Variants in TXNDC8 observed in about 807,000 individuals in gnomAD.
The protein encoded by TXNDC8 is thioredoxin domain-containing protein 8.
A neutral mutation model predicts 12.9 loss-of-function variants in TXNDC8; 15 were observed. The ratio of observed to expected loss-of-function variants is 1.16; its 90% CI spans 0.78 to 1.79. The LOEUF is 1.79. Ranked by LOEUF, TXNDC8 falls within the 40% of genes most tolerant of loss-of-function variation. The probability of loss-of-function intolerance (pLI) is 0.00; values close to 1 mark genes in which losing one functional copy is unlikely to be tolerated. For missense variants in TXNDC8, 128 were observed against 113.2 expected, an observed-to-expected ratio of 1.13 and a Z score of -0.59; for synonymous variants, 40 against 35.4, an observed-to-expected ratio of 1.13 and a Z score of -0.46.
chr9:110,329,961 T>C (rs947300969), intron 2 of TXNDC8, among the ~76,000 whole-genome samples: 5 of 152,132 alleles, frequency 3.3e-5, no homozygotes, highest in African/African-American at 1.2e-4. Flanking sequence ...CCTACTTCTG[T>C]TTTGTTCTGG....
At chr9:110,321,661 G>A (rs78189391) in intron 3 of TXNDC8, among the ~76,000 whole-genome samples, 2 of 149,046 alleles carry the variant, frequency 1.3e-5, no homozygotes, top group East Asian at 3.9e-4. Flanking sequence ...AAGTGCATTT[G>A]ATTTTTCTTG....
chr9:110,324,011 T>C, intron 3 of TXNDC8: 2 of 1,549,198 alleles, frequency 1.3e-6, no homozygotes, highest in South Asian at 1.2e-5. Context: ...CCTAAGGAAG[T>C]ACATGGGATA....
Position 110,307,098 on chromosome 9 carries a change from C to A in TXNDC8, c.196-2566G>T, listed in dbSNP as rs1389314750. Among the ~76,000 whole-genome samples, 15 of 150,010 alleles carry A rather than the reference C, an allele frequency of 1.0e-4. No homozygotes were observed. In the East Asian group the frequency reaches 2.9e-3, roughly 29 times the overall value. ...CTAGGACTACAAGCATGCACCAATA[C>A]ACTGGCTTTTTTTTTTTTTTAATTT... is the stretch of plus-strand genomic sequence containing the variant. On this transcript the variant is annotated intron_variant, in intron 3 of 4. Transcript: ENST00000423740.
At chr9:110,313,446 A>G (rs1838763840) in intron 3 of TXNDC8, among the ~76,000 whole-genome samples, 1 of 152,166 alleles carries the variant, frequency 6.6e-6, no homozygotes, top group Non-Finnish European at 1.5e-5. Context: ...CACACCTGTA[A>G]TCTCAGCACT....
intron 3 of TXNDC8, among the ~76,000 whole-genome samples, chr9:110,325,017 T>A (rs1235693858): frequency 6.6e-6 from 1 of 151,912 alleles, no homozygotes; most frequent in South Asian, 2.1e-4. Context: ...GAGGCTGAAG[T>A]AGGAAAATAG....
At chr9:110,307,300 C>T (rs1838506291) in intron 3 of TXNDC8, among the ~76,000 whole-genome samples, 2 of 152,024 alleles carry the variant, frequency 1.3e-5, no homozygotes, top group South Asian at 4.2e-4. Flanking sequence ...GTAAGTGTAC[C>T]ATTGATGACC....
chr9:110,315,821 CTT>C (rs1165785348), intron 3 of TXNDC8, among the ~76,000 whole-genome samples: 1 of 26,424 alleles, frequency 3.8e-5, no homozygotes, highest in Non-Finnish European at 7.8e-5. Context: ...CCACAAGACA[CTT>C]TTTTTTTTGG....
chr9:110,327,438 T>C (rs534837996), intron 2 of TXNDC8, among the ~76,000 whole-genome samples: 35 of 152,042 alleles, frequency 2.3e-4, no homozygotes, highest in Non-Finnish European at 4.7e-4. Flanking sequence ...TTCTCCTGCC[T>C]CAGCCTCTCA....
intron 3 of TXNDC8, among the ~76,000 whole-genome samples, chr9:110,325,608 C>T (rs1287703380): frequency 1.3e-5 from 2 of 151,036 alleles, no homozygotes; most frequent in South Asian, 2.1e-4. Flanking sequence ...GCAAGCTCCG[C>T]GTCCTGGGTT....
At chr9:110,330,962 A>G (rs983299871) in intron 2 of TXNDC8, among the ~76,000 whole-genome samples, 2 of 152,044 alleles carry the variant, frequency 1.3e-5, no homozygotes, top group Admixed American at 6.6e-5. Context: ...TTCTGTGGTT[A>G]GTAAACTTTT....
chr9:110,333,567 G>T (rs753290168), intron 2 of TXNDC8, among the ~76,000 whole-genome samples: 39 of 151,674 alleles, frequency 2.6e-4, no homozygotes, highest in Admixed American at 4.6e-4. Flanking sequence ...CATGTTAAGT[G>T]TTCTTATCAC....
chr9:110,314,755 A>C (rs887123807), intron 3 of TXNDC8, among the ~76,000 whole-genome samples: 4 of 151,966 alleles, frequency 2.6e-5, no homozygotes, highest in Admixed American at 6.6e-5. Context: ...TTCTAAATTA[A>C]CTGAGACATG....
intron 3 of TXNDC8, among the ~76,000 whole-genome samples, chr9:110,321,013 A>T (rs1041874442): frequency 6.6e-6 from 1 of 152,234 alleles, no homozygotes; most frequent in Admixed American, 6.5e-5. Context: ...CAATCTCTGC[A>T]TGAAAACTTC....
intron 3 of TXNDC8, among the ~76,000 whole-genome samples, chr9:110,311,527 A>ATATATATG (rs1564096060): frequency 2.9e-5 from 3 of 104,050 alleles, no homozygotes; most frequent in African/African-American, 1.6e-4. Flanking sequence ...AGAGGTATAT[A>ATATATATG]TATATATATA....
At chr9:110,319,294 T>C (rs149395958) in intron 3 of TXNDC8, among the ~76,000 whole-genome samples, 152 of 152,372 alleles carry the variant, frequency 1.0e-3, no homozygotes, top group Middle Eastern at 3.4e-3. Context: ...ATGGATGTTG[T>C]AGTTATTGAA....
In TXNDC8 at chr9:110,329,292, C is replaced by T; in HGVS notation, c.130-3052G>A. ...CATTTTGGTATTTCACAGACATAGC[C>T]TTCAAAATAAAAAATAAATATTTCC... On this transcript the variant is annotated intron_variant, in intron 2 of 4. Coordinates refer to ENST00000423740, the MANE Select transcript of TXNDC8 (RefSeq NM_001286946.2). 1 of 1,603,172 alleles carries T rather than the reference C, an allele frequency of 6.2e-7. No individual in the cohort carries two copies. The highest frequency in any genetic ancestry group is 8.5e-7 in the Non-Finnish European group (1 of 1,174,800).
chr9:110,328,180 G>T (rs1839407164), intron 2 of TXNDC8, among the ~76,000 whole-genome samples: 1 of 152,228 alleles, frequency 6.6e-6, no homozygotes. Flanking sequence ...CAGAATGGTA[G>T]ATATCACTTT....
chr9:110,305,604 TTCTTTCTTTTTCTTC>T (rs1838424055), intron 3 of TXNDC8, among the ~76,000 whole-genome samples: 2 of 128,922 alleles, frequency 1.6e-5, no homozygotes, highest in African/African-American at 7.5e-5. Context: ...CTTTCTTTCT[TTCTTTCTTTTTCTTC>T]CTTCCTTCCT....
intron 3 of TXNDC8, among the ~76,000 whole-genome samples, chr9:110,304,950 C>T (rs1838373267): frequency 1.3e-5 from 2 of 151,878 alleles, no homozygotes; most frequent in Non-Finnish European, 2.9e-5. Context: ...GAGTTTGAAA[C>T]CAGTCTGGCC....
Sources: gnomAD v4.1 joint callset for allele counts (sites outside exome capture counted in the v4.1 genomes callset) on GRCh38, gnomAD v4.1.1 for gene constraint, MANE v1.5 for transcripts, NCBI Gene and HGNC (gene_info 2026-07-23, HGNC 2026-07-21) for gene names.